The following PIGN variants were observed in gnomAD, a reference collection of about 807,000 sequenced individuals.
The protein encoded by PIGN is phosphatidylinositol glycan anchor biosynthesis class N.
In PIGN, 117 loss-of-function variants were observed where a neutral mutation model predicts 125.4. The ratio of observed to expected loss-of-function variants is 0.93; its 90% CI spans 0.80 to 1.09. The LOEUF (loss-of-function observed/expected upper bound fraction) is 1.09, where lower values mean the gene tolerates loss of function less well. Ranked by LOEUF, PIGN falls within the 50% of genes least tolerant of loss-of-function variation. The pLI, the probability that PIGN is intolerant of heterozygous loss-of-function variation, is 0.00. For synonymous variants in PIGN, 392 were observed against 377.8 expected (o/e 1.04, Z -0.44); for missense variants, 1,075 against 1,094.9 (o/e 0.98, Z 0.26).
chr18:62,140,314 TA>T (rs55951317), intron 12 of PIGN, 105 bp downstream of exon 12: 1,850 of 459,556 alleles, frequency 4.0e-3, no homozygotes, highest in South Asian at 6.8e-3. Context: ...AGACCCCATC[TA>T]AAAAAAAAAC....
At chr18:62,091,911 T>C (rs1464532014) in intron 23 of PIGN, among the ~76,000 whole-genome samples, 1 of 152,212 alleles carries the variant, frequency 6.6e-6, no homozygotes, top group African/African-American at 2.4e-5. Flanking sequence ...GAGTTATTTA[T>C]CTAATCAGAA....
intron 25 of PIGN, among the ~76,000 whole-genome samples, chr18:62,085,740 G>A (rs2033668513): frequency 6.6e-6 from 1 of 152,176 alleles, no homozygotes; most frequent in South Asian, 2.1e-4. Context: ...ATTCAATAGA[G>A]AATGACACAT....
At chr18:62,035,948 A>G (rs1236494408) in intron 23 of PIGN, among the ~76,000 whole-genome samples, 3 of 152,164 alleles carry the variant, frequency 2.0e-5, no homozygotes, top group African/African-American at 4.8e-5. Context: ...GGATTCTACC[A>G]TGGACTCAGT....
intron 6 of PIGN, among the ~76,000 whole-genome samples, chr18:62,155,926 A>G (rs1395130361): frequency 2.6e-5 from 4 of 152,334 alleles, no homozygotes; most frequent in Non-Finnish European, 5.9e-5. Flanking sequence ...CCAGTATAAT[A>G]ATGTTCTATG....
At chr18:62,114,326 C>T (rs981567044) in intron 15 of PIGN, among the ~76,000 whole-genome samples, 2 of 150,640 alleles carry the variant, frequency 1.3e-5, no homozygotes, top group African/African-American at 2.4e-5. Flanking sequence ...TGTGCCACTG[C>T]ACTCCAGCCT....
Position 62,088,823 on chromosome 18 carries a change from G to A in PIGN, c.2303C>T (p.Ser768Phe). The change falls in exon 25 of 31, where the codon TCT (serine) becomes TTT (phenylalanine). Residue 768 changes from serine (S) to phenylalanine (F), a missense_variant. By Grantham distance (155) the Ser-to-Phe change is radical. Transcript: ENST00000640252. ...CKQKLTSIQF[S>F]YNTDITQFRQ... Reference sequence around the variant, plus strand: ...AAACTGAGTTATATCAGTATTATAAGAGAACTGGATACTGGTGAGCTGTGA... The same window carrying A: ...AAACTGAGTTATATCAGTATTATAAAAGAACTGGATACTGGTGAGCTGTGA... The A allele has an allele frequency of 4.5e-6, 7 of 1,547,530 alleles. No homozygotes were observed. Among genetic ancestry groups the A allele is most frequent in the Non-Finnish European group, 6.1e-6 (7 of 1,138,888 alleles).
chr18:62,078,477 T>G (rs954178776), intron 28 of PIGN, among the ~76,000 whole-genome samples: 2 of 152,216 alleles, frequency 1.3e-5, no homozygotes, highest in Non-Finnish European at 2.9e-5. Flanking sequence ...TTACGCACAC[T>G]GCCTCCCTAT....
At chr18:62,061,662 G>C (rs892479023) in intron 30 of PIGN, among the ~76,000 whole-genome samples, 9 of 152,096 alleles carry the variant, frequency 5.9e-5, no homozygotes, top group Non-Finnish European at 8.8e-5. Context: ...TCGTCATGAA[G>C]GGGAACCAGT....
intron 19 of PIGN, 47 bp from the exon 20 acceptor site, chr18:62,105,681 A>C (rs1372347727): frequency 1.8e-6 from 2 of 1,118,828 alleles, no homozygotes; most frequent in Middle Eastern, 2.0e-4. Context: ...GGTATAGAAA[A>C]CTATCATTAG....
chr18:62,076,715 G>C (rs1465586555), intron 28 of PIGN, among the ~76,000 whole-genome samples: 1 of 152,106 alleles, frequency 6.6e-6, no homozygotes, highest in Non-Finnish European at 1.5e-5. Context: ...CTAACCATAG[G>C]TTTGAAATAA....
At chr18:62,079,182 T>TA (rs1269029450) in intron 28 of PIGN, among the ~76,000 whole-genome samples, 2 of 152,234 alleles carry the variant, frequency 1.3e-5, no homozygotes, top group African/African-American at 4.8e-5. Context: ...ACTATGTGAG[T>TA]AAAGACCATA....
downstream of PIGN, among the ~76,000 whole-genome samples, chr18:62,038,380 G>A (rs1437288075): frequency 8.8e-6 from 1 of 113,610 alleles, no homozygotes; most frequent in South Asian, 3.1e-4. Flanking sequence ...AATTGAACTT[G>A]GCCAAAAACA....
intron 7 of PIGN, among the ~76,000 whole-genome samples, chr18:62,152,080 T>G (rs571826547): frequency 6.6e-6 from 1 of 152,078 alleles, no homozygotes; most frequent in Non-Finnish European, 1.5e-5. Context: ...AATACATTGG[T>G]TTGGTCCAGA....
chr18:62,067,928 C>T (rs2032620631), intron 30 of PIGN, among the ~76,000 whole-genome samples: 1 of 152,118 alleles, frequency 6.6e-6, no homozygotes, highest in Non-Finnish European at 1.5e-5. Context: ...ATAGGAAGGC[C>T]ACCAGTAAGT....
At chr18:62,091,970 C>T (rs2033982666) in intron 23 of PIGN, among the ~76,000 whole-genome samples, 1 of 152,154 alleles carries the variant, frequency 6.6e-6, no homozygotes, top group Non-Finnish European at 1.5e-5. Context: ...CTTTCAACTA[C>T]TGAACTCTAC....
At chr18:62,076,230 A>G (rs2033166929) in intron 28 of PIGN, among the ~76,000 whole-genome samples, 1 of 152,006 alleles carries the variant, frequency 6.6e-6, no homozygotes, top group Admixed American at 6.6e-5. Flanking sequence ...ACCACGCCCA[A>G]CCCATTGTGG....
chr18:62,043,466 T>A lies in PIGN; in HGVS notation c.*2390A>T, dbSNP rs951541131. On this transcript the variant is annotated 3_prime_UTR_variant, in exon 31 of 31. Transcript: ENST00000640252. ...GACACTGATGTTCTTAATATCTGAG[T>A]TGGCTGAAATTTGTAATAAGTTTTT... The A allele has an allele frequency of 6.6e-6, 1 of 152,148 alleles. No homozygotes were observed. Among genetic ancestry groups the A allele is most frequent in the Non-Finnish European group, 1.5e-5 (1 of 68,030 alleles). The allele number at this position is 152,148 out of a possible 1,614,324, so 9.4% of individuals were successfully genotyped here. A position where few individuals can be genotyped will look rare whatever the true frequency, so the allele number is the denominator to read the frequency against.
rs77394269 is a variant in PIGN at position 62,166,304 on chromosome 18, A to C, written c.-235-2648T>G. On this transcript the variant is annotated intron_variant, in intron 1 of 30. Coordinates refer to ENST00000640252, the MANE Select transcript of PIGN (RefSeq NM_176787.5). Reference sequence around the variant, plus strand: ...CTTCTCATCTTTCATGCCCCTTCTCAAACGTCACCAACTAAAGGTTCTTCT... The same window carrying C: ...CTTCTCATCTTTCATGCCCCTTCTCCAACGTCACCAACTAAAGGTTCTTCT... 7.4e-3 allele frequency among the ~76,000 whole-genome samples: 1,126 copies of C among 152,322 alleles called. 17 individuals are homozygous for C. Among genetic ancestry groups the C allele is most frequent in the African/African-American group, 0.026 (1,077 of 41,570 alleles).
At chr18:62,119,008 T>C (rs1481428570) in intron 14 of PIGN, among the ~76,000 whole-genome samples, 1 of 151,664 alleles carries the variant, frequency 6.6e-6, no homozygotes, top group African/African-American at 2.4e-5. Context: ...GAGACAAAAA[T>C]TGGTATTCAG....
Sources: gnomAD v4.1 joint callset for allele counts (sites outside exome capture counted in the v4.1 genomes callset) on GRCh38, gnomAD v4.1.1 for gene constraint, MANE v1.5 for transcripts, NCBI Gene and HGNC (gene_info 2026-07-23, HGNC 2026-07-21) for gene names.